The following RFX4 variants were observed in gnomAD, a reference collection of about 807,000 sequenced individuals.
The protein encoded by RFX4 is regulatory factor X4.
A neutral mutation model predicts 95.0 loss-of-function variants in RFX4; 10 were observed. The ratio of observed to expected loss-of-function variants is 0.11; its 90% CI spans 0.06 to 0.18. The LOEUF (loss-of-function observed/expected upper bound fraction) is 0.18, where lower values mean the gene tolerates loss of function less well. Ranked by LOEUF, RFX4 falls within the 10% of genes least tolerant of loss-of-function variation. RFX4 has a pLI of 1.00. For missense variants in RFX4, 640 were observed against 922.0 expected (o/e 0.69, Z 3.96); for synonymous variants, 321 against 340.7 (o/e 0.94, Z 0.64).
intron 4 of RFX4, among the ~76,000 whole-genome samples, chr12:106,668,200 C>T (rs2041214571): frequency 6.6e-6 from 1 of 152,136 alleles, no homozygotes; most frequent in African/African-American, 2.4e-5. Context: ...AGATGGCTTC[C>T]AGTTTCTATA....
chr12:106,702,806 C>T (rs1461079905), intron 8 of RFX4, among the ~76,000 whole-genome samples: 1 of 152,190 alleles, frequency 6.6e-6, no homozygotes, highest in Non-Finnish European at 1.5e-5. Context: ...CCCTAGTCAA[C>T]TGAGGCTTTT....
At chr12:106,650,389 C>A (rs12372133) in intron 3 of RFX4, among the ~76,000 whole-genome samples, 30,412 of 152,102 alleles carry the variant, frequency 0.2, 3,422 homozygotes, top group South Asian at 0.28. Context: ...AAATGTTCCA[C>A]TACAAGTGTT....
At position 106,762,751 on chromosome 12, in the gene RFX4, C is replaced by G. The variant is rs541706345; in HGVS notation, c.*1282C>G. ...TAAAATGGAAATAGTTTTATCTGTACAGTTGTGCAAGATATGAATGGTTTC... is the reference window on the plus strand; with the variant it reads ...TAAAATGGAAATAGTTTTATCTGTAGAGTTGTGCAAGATATGAATGGTTTC... On this transcript the variant is annotated 3_prime_UTR_variant, in exon 18 of 18. Coordinates refer to ENST00000392842, the MANE Select transcript of RFX4 (RefSeq NM_213594.3). 3 of 148,484 alleles carry G rather than the reference C, an allele frequency of 2.0e-5. No individual in the cohort carries two copies. The highest frequency in any genetic ancestry group is 4.4e-5 in the Non-Finnish European group (3 of 67,644). 9.2% of individuals were successfully genotyped at this position (148,484 alleles called of 1,614,324 possible).
intron 13 of RFX4, among the ~76,000 whole-genome samples, chr12:106,727,793 G>A (rs2042531912): frequency 6.6e-6 from 1 of 152,008 alleles, no homozygotes; most frequent in African/African-American, 2.4e-5. Context: ...CTAATTTTTT[G>A]TATCTTTAGT....
At chr12:106,599,731 C>A (rs2114276) in intron 1 of RFX4, among the ~76,000 whole-genome samples, 129,048 of 151,700 alleles carry the variant, frequency 0.85, 55,064 homozygotes, top group East Asian at 0.96. Flanking sequence ...TACTTCATCC[C>A]TCCAGTTCAG....
At chr12:106,708,777 C>T (rs1209049735) in intron 8 of RFX4, among the ~76,000 whole-genome samples, 1 of 152,190 alleles carries the variant, frequency 6.6e-6, no homozygotes, top group East Asian at 1.9e-4. Context: ...TTCGCCTCTC[C>T]AGTTCCTTCC....
At chr12:106,744,062 C>A (rs772455647) in intron 15 of RFX4, among the ~76,000 whole-genome samples, 7 of 152,124 alleles carry the variant, frequency 4.6e-5, no homozygotes, top group Non-Finnish European at 7.4e-5. Flanking sequence ...TCAATGATAA[C>A]CCATTTTAAT....
intron 13 of RFX4, among the ~76,000 whole-genome samples, chr12:106,730,975 G>A (rs573573456): frequency 6.6e-6 from 1 of 152,266 alleles, no homozygotes; most frequent in Admixed American, 6.5e-5. Flanking sequence ...ACTCCAGCCT[G>A]GGCAAGGTAG....
chr12:106,622,369 A>T (rs2040202515), intron 2 of RFX4, among the ~76,000 whole-genome samples: 1 of 152,058 alleles, frequency 6.6e-6, no homozygotes, highest in South Asian at 2.1e-4. Flanking sequence ...GTTTCCTTCC[A>T]GTCTTTTTTC....
chr12:106,585,637 C>T (rs1592822415), intron 1 of RFX4: 1 of 152,254 alleles, frequency 6.6e-6, no homozygotes, highest in Non-Finnish European at 1.5e-5. Context: ...GGTCTTTTCT[C>T]CTGGCTTGCA....
At chr12:106,684,412 G>T (rs1263289312) in intron 5 of RFX4, among the ~76,000 whole-genome samples, 2 of 152,072 alleles carry the variant, frequency 1.3e-5, no homozygotes, top group Non-Finnish European at 2.9e-5. Flanking sequence ...TTTTTTAGAA[G>T]AAATTAAAAA....
Position 106,747,597 on chromosome 12 carries a change from T to C in RFX4, c.1794T>C (p.His598=). The change falls in exon 16 of 18, where the codon CAT becomes CAC. Residue 598 remains histidine, a splice_region_variant and synonymous_variant. Coordinates refer to ENST00000392842, the MANE Select transcript of RFX4 (RefSeq NM_213594.3). ...CAGTTTATCCCCACAGAGAGGAACA[T>C]GGGTAGGTAACTTTCCAGGGATGCT... The part of the protein sequence containing the change: ...RIPVYPHREE[H]GYTGSYNYGS... The C allele has an allele frequency of 6.2e-7, 1 of 1,613,120 alleles. No homozygotes were observed. Among genetic ancestry groups the C allele is most frequent in the Non-Finnish European group, 8.5e-7 (1 of 1,179,534 alleles).
At chr12:106,758,148 C>T (rs1432269689) in intron 17 of RFX4, among the ~76,000 whole-genome samples, 2 of 152,184 alleles carry the variant, frequency 1.3e-5, no homozygotes, top group African/African-American at 2.4e-5. Flanking sequence ...CTTAAGGACC[C>T]TGTATGAAAC....
chr12:106,686,772 C>T, intron 5 of RFX4, 112 bp from the exon 6 acceptor site: 2 of 959,644 alleles, frequency 2.1e-6, no homozygotes, highest in Admixed American at 2.3e-5. Flanking sequence ...CCCCAGCTTT[C>T]CTTGGCCTTG....
intron 8 of RFX4, among the ~76,000 whole-genome samples, chr12:106,696,666 TG>T (rs1414650240): frequency 6.6e-6 from 1 of 152,164 alleles, no homozygotes; most frequent in Non-Finnish European, 1.5e-5. Flanking sequence ...AGGTATAAGA[TG>T]GTGTACAGTA....
intron 2 of RFX4, among the ~76,000 whole-genome samples, chr12:106,623,280 C>T (rs2040222737): frequency 6.6e-6 from 1 of 152,036 alleles, no homozygotes; most frequent in African/African-American, 2.4e-5. Flanking sequence ...GCCTTGGCCT[C>T]CCAAAGTGCT....
chr12:106,584,808 C>A (rs1226569243), intron 1 of RFX4, among the ~76,000 whole-genome samples: 1 of 152,176 alleles, frequency 6.6e-6, no homozygotes, highest in Non-Finnish European at 1.5e-5. Flanking sequence ...GTCAAGGCCC[C>A]GCCTGATTGC....
At chr12:106,749,257 C>CAAAA (rs1162244017) in intron 16 of RFX4, among the ~76,000 whole-genome samples, 3 of 49,274 alleles carry the variant, frequency 6.1e-5, no homozygotes, top group Non-Finnish European at 9.2e-5. Context: ...TACTCCAACT[C>CAAAA]AAAAAAAAAA....
intron 4 of RFX4, among the ~76,000 whole-genome samples, chr12:106,673,697 C>T (rs1303868421): frequency 1.3e-5 from 2 of 152,104 alleles, no homozygotes; most frequent in African/African-American, 2.4e-5. Flanking sequence ...AAAGTATCCA[C>T]AATAAAAAAC....
Sources: allele counts gnomAD v4.1 joint callset (sites outside exome capture counted in the v4.1 genomes callset), GRCh38; gene constraint gnomAD v4.1.1; transcripts MANE v1.5; gene names NCBI Gene and HGNC (gene_info 2026-07-23, HGNC 2026-07-21).